The following UGT2B28 variants were observed in gnomAD, a reference collection of about 807,000 sequenced individuals.
The protein encoded by UGT2B28 is UDP-glucuronosyltransferase 2B28.
UGT2B28 carries 45 observed loss-of-function variants against 43.6 expected under a neutral mutation model. The observed-to-expected ratio is 1.03, with a 90% confidence interval of 0.81 to 1.32. UGT2B28 has a LOEUF of 1.32. UGT2B28 is among the 40% of genes most tolerant of loss of function. UGT2B28 has a pLI of 0.00. For missense variants in UGT2B28, 649 were observed against 625.5 expected, an observed-to-expected ratio of 1.04 and a Z score of -0.40; for synonymous variants, 204 against 208.1, an observed-to-expected ratio of 0.98 and a Z score of 0.17.
At chr4:69,287,659 C>G (rs1723817644) in intron 3 of UGT2B28, among the ~76,000 whole-genome samples, 1 of 139,498 alleles carries the variant, frequency 7.2e-6, no homozygotes, top group South Asian at 2.4e-4. Flanking sequence ...ACCAGATTAA[C>G]AACCCCTCCC....
Position 69,290,860 on chromosome 4 carries a change from C to G in UGT2B28, c.1310+49C>G, listed in dbSNP as rs774962857. ...TAGGTGGTATTTGTAGATAGCTTCTCTTTTCAATAGTGAGCATGAGTTTCA... is the reference window on the plus strand; with the variant it reads ...TAGGTGGTATTTGTAGATAGCTTCTGTTTTCAATAGTGAGCATGAGTTTCA... On this transcript the variant is annotated intron_variant, in intron 5 of 5. Transcript: ENST00000335568. 6.6e-6 allele frequency: 10 copies of G among 1,521,788 alleles called. 2 individuals are homozygous for G. Among genetic ancestry groups the G allele is most frequent in the South Asian group, 3.8e-5 (3 of 79,208 alleles). The allele number at this position is 1,521,788 out of a possible 1,614,324, so 94.3% of individuals were successfully genotyped here.
At chr4:69,286,629 A>G in intron 2 of UGT2B28, 123 bp from the exon 3 acceptor site, 2 of 1,336,258 alleles carry the variant, frequency 1.5e-6, no homozygotes, top group Non-Finnish European at 2.0e-6. Context: ...CAGTTAAAAA[A>G]TATTATTTAC....
intron 2 of UGT2B28, 50 bp from the exon 3 acceptor site, chr4:69,286,702 G>A (rs778915904): frequency 6.5e-7 from 1 of 1,529,516 alleles, no homozygotes; most frequent in Non-Finnish European, 8.7e-7. Flanking sequence ...TTCTTTAGTA[G>A]TGCCTGCTGT....
In UGT2B28 at chr4:69,290,631, C is replaced by A. The variant is rs142784735; in HGVS notation, c.1130C>A (p.Ala377Asp). 6.7e-5 allele frequency: 104 copies of A among 1,559,190 alleles called. 22 individuals carry two copies. In the African/African-American group the frequency reaches 1.4e-3, roughly 21 times the overall value. ...AGAGCTTTTATAACTCATGGTGGAG[C>A]CAATGGCATCTATGAGGCAATCTAC... ...KTRAFITHGG[A>D]NGIYEAIYHG... The change falls in exon 5 of 6, where the codon GCC becomes GAC. Residue 377 changes from alanine to aspartate, a missense_variant. By Grantham distance (126) the Ala-to-Asp change is moderately radical. Transcript: ENST00000335568.
chr4:69,282,339 C>A (rs1290409613), intron 1 of UGT2B28, among the ~76,000 whole-genome samples, 175 bp from the exon 2 acceptor site: 8 of 139,594 alleles, frequency 5.7e-5, no homozygotes, highest in Non-Finnish European at 1.1e-4. Context: ...TAAACATGGA[C>A]AAAATATATA....
chr4:69,288,725 C>T (rs1196224125), intron 3 of UGT2B28, among the ~76,000 whole-genome samples: 1 of 138,270 alleles, frequency 7.2e-6, no homozygotes, highest in African/African-American at 2.8e-5. Flanking sequence ...ATTATTTTTC[C>T]TGATCCTCTC....
In UGT2B28 at chr4:69,285,377, C is replaced by G. The variant is rs1324144804; in HGVS notation, c.871-1375C>G. Among the ~76,000 whole-genome samples, 3 of 139,724 alleles carry G rather than the reference C, an allele frequency of 2.1e-5. 1 individual carries two copies. The highest frequency in any genetic ancestry group is 4.6e-5 in the Non-Finnish European group (3 of 65,654). The allele number at this position is 139,724 out of a possible 152,430, so 91.7% of individuals were successfully genotyped here. The stretch of plus-strand genomic sequence containing the variant: ...AATATTATCACTAAAGGAGCAACAA[C>G]CCGTCAATATCAGTGATGAATCTCT... On this transcript the variant is annotated intron_variant, in intron 2 of 5. Coordinates refer to ENST00000335568, the MANE Select transcript of UGT2B28 (RefSeq NM_053039.2).
chr4:69,290,732 G>A lies in UGT2B28; in HGVS notation c.1231G>A (p.Ala411Thr), dbSNP rs1396848374. ...CATTGCTCACATGAAGGCCAAGGGA[G>A]CAGCTGTTAGACTGGACTTCCACAC... ...DNIAHMKAKG[A>T]AVRLDFHTMS... Residue 411 changes from alanine to threonine, a missense_variant, in exon 5 of 6, where the codon GCA becomes ACA. Coordinates refer to ENST00000335568, the MANE Select transcript of UGT2B28 (RefSeq NM_053039.2). 6.4e-7 allele frequency: 1 copy of A among 1,559,690 alleles called. No individual in the cohort carries two copies. The highest frequency in any genetic ancestry group is 2.3e-5 in the East Asian group (1 of 43,536).
In UGT2B28 at chr4:69,294,130, T is replaced by G. The variant is rs1256589113; in HGVS notation, c.1311-400T>G. Among the ~76,000 whole-genome samples, 3 of 140,478 alleles carry G rather than the reference T, an allele frequency of 2.1e-5. 1 individual carries two copies. The East Asian group carries it at 6.1e-4, about 29-fold the overall frequency. 92.2% of individuals were successfully genotyped at this position (140,478 alleles called of 152,430 possible). On this transcript the variant is annotated intron_variant, in intron 5 of 5. Coordinates refer to ENST00000335568, the MANE Select transcript of UGT2B28 (RefSeq NM_053039.2). Reference sequence around the variant, plus strand: ...GATTGTTCATAATACAAAGGATAAATGCTTAAAGGATGAATATCCTATTTT... The same window carrying G: ...GATTGTTCATAATACAAAGGATAAAGGCTTAAAGGATGAATATCCTATTTT...
In UGT2B28 at chr4:69,289,759, C is replaced by G. The variant is rs201206692; in HGVS notation, c.1090+7C>G. On this transcript the variant is annotated splice_region_variant and intron_variant, in intron 4 of 5. Coordinates refer to ENST00000335568, the MANE Select transcript of UGT2B28 (RefSeq NM_053039.2). ...CCCCAGAATGACCTTCTAGGTAACA[C>G]TCTGGTGAACAAATACTGGATATAT... The G allele has an allele frequency of 2.3e-3, 3,517 of 1,534,856 alleles. 310 individuals carry two copies. The highest frequency in any genetic ancestry group is 3.4e-3 in the Admixed American group (183 of 53,564).
chr4:69,289,435 T>C (rs1723879750), intron 3 of UGT2B28, among the ~76,000 whole-genome samples: 1 of 140,938 alleles, frequency 7.1e-6, no homozygotes, highest in Non-Finnish European at 1.5e-5. Context: ...GAACTTTTCA[T>C]TGATAATCTT....
In UGT2B28 at chr4:69,285,379, C is replaced by A. The variant is rs1406538714; in HGVS notation, c.871-1373C>A. Among the ~76,000 whole-genome samples, 3 of 139,008 alleles carry A rather than the reference C, an allele frequency of 2.2e-5. 1 individual carries two copies. The highest frequency in any genetic ancestry group is 4.6e-5 in the Non-Finnish European group (3 of 65,490). The allele number at this position is 139,008 out of a possible 152,430, so 91.2% of individuals were successfully genotyped here. A position where few individuals can be genotyped will look rare whatever the true frequency, so the allele number is the denominator to read the frequency against. On this transcript the variant is annotated intron_variant, in intron 2 of 5. Coordinates refer to ENST00000335568, the MANE Select transcript of UGT2B28 (RefSeq NM_053039.2). Reference sequence around the variant, plus strand: ...TATTATCACTAAAGGAGCAACAACCCGTCAATATCAGTGATGAATCTCTAA... The same window carrying A: ...TATTATCACTAAAGGAGCAACAACCAGTCAATATCAGTGATGAATCTCTAA...
intron 2 of UGT2B28, among the ~76,000 whole-genome samples, chr4:69,284,415 T>C (rs1477546161): frequency 7.1e-6 from 1 of 140,954 alleles, no homozygotes; most frequent in East Asian, 2.0e-4. Flanking sequence ...ACATTTTTGC[T>C]TACATAAAAC....
chr4:69,282,716 T>C, intron 2 of UGT2B28, 54 bp downstream of exon 2: 2 of 1,528,040 alleles, frequency 1.3e-6, no homozygotes, highest in Middle Eastern at 2.1e-4. Flanking sequence ...TCAGTAGAAA[T>C]GAGTCTATAG....
intron 5 of UGT2B28, 109 bp from the exon 6 acceptor site, chr4:69,294,421 T>C: frequency 3.5e-6 from 4 of 1,149,932 alleles, no homozygotes; most frequent in Non-Finnish European, 4.5e-6. Flanking sequence ...TGTCAATTCT[T>C]TCAAATTTAC....
intron 5 of UGT2B28, among the ~76,000 whole-genome samples, 187 bp from the exon 6 acceptor site, chr4:69,294,343 C>T (rs760312431): frequency 7.2e-6 from 1 of 139,156 alleles, no homozygotes; most frequent in Non-Finnish European, 1.5e-5. Context: ...AAATGTTTGT[C>T]AATGAGAAAA....
chr4:69,291,389 A>G lies in UGT2B28; in HGVS notation c.1310+578A>G, dbSNP rs4345242. 7.3e-3 allele frequency among the ~76,000 whole-genome samples: 1,032 copies of G among 140,644 alleles called. 227 individuals are homozygous for G. Among genetic ancestry groups the G allele is most frequent in the African/African-American group, 0.026 (950 of 36,166 alleles). The allele number at this position is 140,644 out of a possible 152,430, so 92.3% of individuals were successfully genotyped here. A position where few individuals can be genotyped will look rare whatever the true frequency, so the allele number is the denominator to read the frequency against. On this transcript the variant is annotated intron_variant, in intron 5 of 5. Coordinates refer to ENST00000335568, the MANE Select transcript of UGT2B28 (RefSeq NM_053039.2). The stretch of plus-strand genomic sequence containing the variant: ...TGCAATGACACCAAAATCACTTCTC[A>G]TAACTGCTTAGTCCTAGTCTAACAC...
rs1723566611 is a variant in UGT2B28 at position 69,280,614 on chromosome 4, T to C, written c.114T>C (p.Asn38=). ...VWTGEYSHWM[N]MKTILKELVQ... is the part of the protein sequence containing the mutation. ...CCGGTGAATACAGCCATTGGATGAATATGAAGACAATCCTGAAAGAGCTTG... is the reference window on the plus strand; with the variant it reads ...CCGGTGAATACAGCCATTGGATGAACATGAAGACAATCCTGAAAGAGCTTG... The change falls in exon 1 of 6, where the codon AAT becomes AAC. Residue 38 remains asparagine, a synonymous_variant. Transcript: ENST00000335568. 1 of 1,560,990 alleles carries C rather than the reference T, an allele frequency of 6.4e-7. No homozygotes were observed. Among genetic ancestry groups the C allele is most frequent in the Non-Finnish European group, 8.7e-7 (1 of 1,155,964 alleles).
chr4:69,283,974 CCTTAAATAT>C, intron 2 of UGT2B28, among the ~76,000 whole-genome samples: 1 of 140,882 alleles, frequency 7.1e-6, no homozygotes, highest in Non-Finnish European at 1.5e-5. Context: ...CAAATGTGTG[CCTTAAATAT>C]GTGCAGACAA....
Sources: gnomAD v4.1 joint callset for allele counts (sites outside exome capture counted in the v4.1 genomes callset) on GRCh38, gnomAD v4.1.1 for gene constraint, MANE v1.5 for transcripts, NCBI Gene and HGNC (gene_info 2026-07-23, HGNC 2026-07-21) for gene names.